Variants in MAGI2 observed in about 807,000 individuals in gnomAD.
MAGI2 encodes the protein membrane associated guanylate kinase, WW and PDZ domain containing 2, also known as membrane-associated guanylate kinase, WW and PDZ domain-containing protein 2.
A neutral mutation model predicts 133.3 loss-of-function variants in MAGI2; 35 were observed. That is an observed-to-expected ratio of 0.26 (90% CI 0.20 to 0.35). The LOEUF (loss-of-function observed/expected upper bound fraction) is 0.35, where lower values mean the gene tolerates loss of function less well. Among genes scored for constraint, MAGI2 ranks in the 10% least tolerant of loss-of-function variants. MAGI2 has a pLI of 1.00. For missense variants in MAGI2, 1,636 were observed against 1,863.4 expected, an observed-to-expected ratio of 0.88 and a Z score of 2.25; for synonymous variants, 729 against 710.6, an observed-to-expected ratio of 1.03 and a Z score of -0.41.
At chr7:78,748,111 G>A (rs1438886591) in intron 2 of MAGI2, among the ~76,000 whole-genome samples, 2 of 151,534 alleles carry the variant, frequency 1.3e-5, no homozygotes, top group East Asian at 1.9e-4. Flanking sequence ...TTTCCACTGA[G>A]TAAGCCCAGG....
At chr7:78,425,612 T>C (rs1799207131) in intron 6 of MAGI2, among the ~76,000 whole-genome samples, 1 of 152,186 alleles carries the variant, frequency 6.6e-6, no homozygotes, top group South Asian at 2.1e-4. Flanking sequence ...AAGAGATCAG[T>C]TGCTACAGAG....
chr7:78,748,075 C>A (rs1457954828), intron 2 of MAGI2, among the ~76,000 whole-genome samples: 1 of 151,796 alleles, frequency 6.6e-6, no homozygotes, highest in Non-Finnish European at 1.5e-5. Context: ...ACCAGCTTCA[C>A]AAAAGAGACC....
chr7:78,132,300 C>T (rs943724240), intron 18 of MAGI2, among the ~76,000 whole-genome samples: 1 of 152,238 alleles, frequency 6.6e-6, no homozygotes, highest in East Asian at 1.9e-4. Context: ...GCTTAACCTG[C>T]ATTCACCCTG....
chr7:78,036,892 G>A (rs1299273433), intron 21 of MAGI2, among the ~76,000 whole-genome samples: 1 of 152,186 alleles, frequency 6.6e-6, no homozygotes, highest in Non-Finnish European at 1.5e-5. Context: ...GAGATTATAG[G>A]TGTGAGCCAC....
intron 1 of MAGI2, among the ~76,000 whole-genome samples, chr7:79,179,191 T>C (rs958607892): frequency 6.6e-6 from 1 of 151,978 alleles, no homozygotes; most frequent in African/African-American, 2.4e-5. Context: ...CTTTCAAATC[T>C]TTTTTCTGAA....
At chr7:78,753,758 C>A (rs10953687) in intron 2 of MAGI2, among the ~76,000 whole-genome samples, 13,104 of 150,936 alleles carry the variant, frequency 0.087, 719 homozygotes, top group African/African-American at 0.16. Context: ...TCAATCTCAA[C>A]TTTTTGAAAA....
At chr7:79,347,420 C>T (rs971690588) in intron 1 of MAGI2, among the ~76,000 whole-genome samples, 2 of 151,388 alleles carry the variant, frequency 1.3e-5, no homozygotes, top group Admixed American at 1.3e-4. Context: ...ATCTTTTCTT[C>T]TTTGCCTCTG....
intron 2 of MAGI2, among the ~76,000 whole-genome samples, chr7:78,863,157 A>G (rs1794283392): frequency 6.6e-6 from 1 of 152,240 alleles, no homozygotes; most frequent in South Asian, 2.1e-4. Context: ...TTTGGATAAA[A>G]AAGACATGGA....
chr7:79,117,746 G>C (rs930806145), intron 1 of MAGI2, among the ~76,000 whole-genome samples: 1 of 152,050 alleles, frequency 6.6e-6, no homozygotes, highest in African/African-American at 2.4e-5. Context: ...AAATGATTCT[G>C]TTCTTATGAA....
At chr7:78,714,088 GA>G (rs1227490565) in intron 2 of MAGI2, among the ~76,000 whole-genome samples, 2 of 72,928 alleles carry the variant, frequency 2.7e-5, no homozygotes, top group African/African-American at 3.8e-5. Context: ...GTGAAAGAAA[GA>G]GGGGGGAAGA....
intron 2 of MAGI2, among the ~76,000 whole-genome samples, chr7:78,695,917 A>T (rs896152810): frequency 2.6e-5 from 4 of 152,010 alleles, no homozygotes; most frequent in Non-Finnish European, 5.9e-5. Flanking sequence ...TTCTCATTGT[A>T]TACCACATAG....
intron 9 of MAGI2, among the ~76,000 whole-genome samples, chr7:78,288,541 G>A (rs1317284183): frequency 2.0e-5 from 3 of 152,196 alleles, no homozygotes; most frequent in Non-Finnish European, 4.4e-5. Context: ...ATAGCCCCCA[G>A]CAGGCGCAAT....
intron 1 of MAGI2, among the ~76,000 whole-genome samples, chr7:79,232,605 T>G (rs1831470259): frequency 1.3e-5 from 1 of 75,482 alleles, no homozygotes; most frequent in Non-Finnish European, 2.4e-5. Flanking sequence ...TATTCTCTGA[T>G]GGTAGTTTGT....
At chr7:79,371,060 A>G (rs1554461728) in intron 1 of MAGI2, among the ~76,000 whole-genome samples, 1 of 152,088 alleles carries the variant, frequency 6.6e-6, no homozygotes, top group Non-Finnish European at 1.5e-5. Context: ...ATTTCTACCA[A>G]TGTCTAATGA....
chr7:78,130,218 C>T (rs1156977352), intron 18 of MAGI2, among the ~76,000 whole-genome samples: 1 of 152,106 alleles, frequency 6.6e-6, no homozygotes, highest in Non-Finnish European at 1.5e-5. Context: ...TGAGCACACA[C>T]CCAAAAGATG....
At chr7:78,160,394 CT>C in intron 15 of MAGI2, 121 bp from the exon 16 acceptor site, 1 of 1,067,222 alleles carries the variant, frequency 9.4e-7, no homozygotes, top group South Asian at 2.9e-5. Context: ...AACTGCTTCT[CT>C]TTCTCCCAGA....
intron 1 of MAGI2, among the ~76,000 whole-genome samples, chr7:79,270,487 AT>A (rs1834799851): frequency 1.3e-5 from 2 of 152,182 alleles, no homozygotes; most frequent in African/African-American, 4.8e-5. Context: ...AATTATGATT[AT>A]AACTTTTCTC....
chr7:78,166,750 C>T (rs773807801), intron 15 of MAGI2, among the ~76,000 whole-genome samples: 11 of 152,156 alleles, frequency 7.2e-5, no homozygotes, highest in Non-Finnish European at 1.5e-4. Flanking sequence ...TATAACAGCA[C>T]ATATGGGAAG....
chr7:79,128,973 C>T lies in MAGI2; in HGVS notation c.302-121767G>A, dbSNP rs186975140. Reference sequence around the variant, plus strand: ...GCAACCTCCATCTCTCGAGTTCCAGCGCTTCTTCCACCTCAGCCTCCCGAG... The same window carrying T: ...GCAACCTCCATCTCTCGAGTTCCAGTGCTTCTTCCACCTCAGCCTCCCGAG... On this transcript the variant is annotated intron_variant, in intron 1 of 21. Coordinates refer to ENST00000354212, the MANE Select transcript of MAGI2 (RefSeq NM_012301.4). 1.9e-3 allele frequency among the ~76,000 whole-genome samples: 287 copies of T among 152,270 alleles called. 1 individual carries two copies. The highest frequency in any genetic ancestry group is 6.4e-3 in the African/African-American group (264 of 41,540).
Sources: allele counts gnomAD v4.1 joint callset (sites outside exome capture counted in the v4.1 genomes callset), GRCh38; gene constraint gnomAD v4.1.1; transcripts MANE v1.5; gene names NCBI Gene and HGNC (gene_info 2026-07-23, HGNC 2026-07-21).